KIF17: variants seen among roughly 807,000 people sequenced by gnomAD.
The protein encoded by KIF17 is kinesin-like protein KIF17.
Under a neutral mutation model 96.8 loss-of-function variants are expected in KIF17, and 80 were observed. The ratio of observed to expected loss-of-function variants is 0.83; its 90% CI spans 0.69 to 1.00. The LOEUF (loss-of-function observed/expected upper bound fraction) is 1.00. Among genes scored for constraint, KIF17 ranks in the 50% least tolerant of loss-of-function variants. KIF17 has a pLI of 0.00. For missense variants in KIF17, 1,280 were observed against 1,372.9 expected (o/e 0.93, Z 1.07); for synonymous variants, 567 against 587.5 (o/e 0.97, Z 0.51).
At chr1:20,707,838 T>TA (rs1022285557) in intron 4 of KIF17, among the ~76,000 whole-genome samples, 1 of 138,760 alleles carries the variant, frequency 7.2e-6, no homozygotes, top group Non-Finnish European at 1.6e-5. Flanking sequence ...TGTGTGTGTA[T>TA]AAAAAATATA....
intron 6 of KIF17, 143 bp downstream of exon 6, chr1:20,698,236 C>T: frequency 2.9e-6 from 2 of 690,924 alleles, no homozygotes; most frequent in Non-Finnish European, 5.3e-6. Context: ...GTCCTGGCAT[C>T]TCTTTGAGCT....
chr1:20,681,053 G>C (rs1307568219), intron 11 of KIF17, among the ~76,000 whole-genome samples: 2 of 150,346 alleles, frequency 1.3e-5, no homozygotes, highest in Non-Finnish European at 3.0e-5. Context: ...ATGAACCCAG[G>C]AGGCGGAGCT....
Position 20,666,319 on chromosome 1 carries a change from A to G in KIF17, c.2803T>C (p.Tyr935His). Residue 935 changes from tyrosine to histidine, a missense_variant, in exon 14 of 15, where the codon TAC (tyrosine) becomes CAC (histidine). By Grantham distance (83) the Tyr-to-His change is moderately conservative (BLOSUM62 2). Transcript: ENST00000400463. ...TTGCTCCGACTGAGCATGAGCCTGTAGCGGTCGTCCTCCTGCCGAGATGCA... is the reference window on the plus strand; with the variant it reads ...TTGCTCCGACTGAGCATGAGCCTGTGGCGGTCGTCCTCCTGCCGAGATGCA... ...NGEPNMEDDR[Y>H]RLMLSRSNSE... 4.3e-6 allele frequency: 7 copies of G among 1,613,812 alleles called. No homozygotes were observed. The highest frequency in any genetic ancestry group is 4.2e-6 in the Non-Finnish European group (5 of 1,179,668).
At chr1:20,714,445 G>A (rs201711726) in intron 2 of KIF17, among the ~76,000 whole-genome samples, 39 of 149,228 alleles carry the variant, frequency 2.6e-4, no homozygotes, top group Admixed American at 1.8e-3. Context: ...AGCCAAGATC[G>A]CGCCATTGCA....
At chr1:20,681,109 G>A (rs931447747) in intron 11 of KIF17, among the ~76,000 whole-genome samples, 1 of 146,626 alleles carries the variant, frequency 6.8e-6, no homozygotes, top group Non-Finnish European at 1.5e-5. Context: ...CTGGGTGACA[G>A]AGCAAGACTC....
intron 3 of KIF17, among the ~76,000 whole-genome samples, chr1:20,712,582 CTA>C (rs1239565052): frequency 1.4e-4 from 5 of 35,320 alleles, no homozygotes; most frequent in African/African-American, 3.4e-4. Context: ...ATAATATTAT[CTA>C]TATATATATC....
At chr1:20,706,768 G>A (rs908026883) in intron 4 of KIF17, among the ~76,000 whole-genome samples, 1 of 151,674 alleles carries the variant, frequency 6.6e-6, no homozygotes, top group African/African-American at 2.4e-5. Context: ...GCATGCCTGT[G>A]GTCTCAGCTA....
chr1:20,712,534 T>A (rs1228261397), intron 3 of KIF17, among the ~76,000 whole-genome samples: 5 of 128,736 alleles, frequency 3.9e-5, no homozygotes, highest in Non-Finnish European at 3.3e-5. Flanking sequence ...GTCATATATA[T>A]ATCTATATTA....
intron 11 of KIF17, among the ~76,000 whole-genome samples, chr1:20,673,375 TC>T: frequency 8.2e-6 from 1 of 121,420 alleles, no homozygotes; most frequent in African/African-American, 2.8e-5. Flanking sequence ...ATGTTCCATT[TC>T]TTTTGTTTGT....
At chr1:20,681,962 G>A in intron 11 of KIF17, among the ~76,000 whole-genome samples, 1 of 152,184 alleles carries the variant, frequency 6.6e-6, no homozygotes, top group East Asian at 1.9e-4. Flanking sequence ...TTGTGCGTTT[G>A]TAATTTGTGC....
intron 11 of KIF17, among the ~76,000 whole-genome samples, chr1:20,681,546 G>A (rs1167669606): frequency 1.3e-5 from 2 of 152,036 alleles, no homozygotes; most frequent in Non-Finnish European, 2.9e-5. Flanking sequence ...GGACGGTGGT[G>A]GGGGCGAGGG....
At position 20,704,381 on chromosome 1, in the gene KIF17, G is replaced by A; in HGVS notation, c.1123+66C>T. The A allele has an allele frequency of 1.5e-6, 2 of 1,337,342 alleles. No individual in the cohort carries two copies. Among genetic ancestry groups the A allele is most frequent in the Non-Finnish European group, 2.1e-6 (2 of 951,040 alleles). 82.8% of individuals were successfully genotyped at this position (1,337,342 alleles called of 1,614,324 possible). ...TTAGGTGGGAAGTTGGAGGCGAGAA[G>A]ACAGAGGGAAGGAAGCTTTCTCCTG... is the stretch of plus-strand genomic sequence containing the variant. On this transcript the variant is annotated intron_variant, in intron 5 of 14. Transcript: ENST00000400463. This position sits in a 1 kb window ranked among gnomAD's most constrained non-coding sequence, Gnocchi z 6.8.
chr1:20,692,428 C>A (rs969820674), intron 6 of KIF17, among the ~76,000 whole-genome samples: 1 of 152,116 alleles, frequency 6.6e-6, no homozygotes, highest in Non-Finnish European at 1.5e-5. Context: ...GCAACCTCCA[C>A]TTCCCAGGTT....
At chr1:20,716,436 G>A (rs929011950) in intron 1 of KIF17, among the ~76,000 whole-genome samples, 1 of 152,216 alleles carries the variant, frequency 6.6e-6, no homozygotes, top group Non-Finnish European at 1.5e-5. Context: ...CTATGGGGCG[G>A]GGCACACAGC....
At chr1:20,677,852 TC>T (rs1171469624) in intron 11 of KIF17, among the ~76,000 whole-genome samples, 5 of 152,192 alleles carry the variant, frequency 3.3e-5, no homozygotes, top group Non-Finnish European at 5.9e-5. Flanking sequence ...CGAGACTCCG[TC>T]TCAAAAACAG....
At chr1:20,697,789 C>T (rs563866595) in intron 6 of KIF17, among the ~76,000 whole-genome samples, 3 of 152,350 alleles carry the variant, frequency 2.0e-5, no homozygotes, top group East Asian at 3.9e-4. Flanking sequence ...GTGGAAGTCC[C>T]GCTCTGGGGA....
At position 20,700,455 on chromosome 1, in the gene KIF17, G is replaced by A. The variant is rs1244520443; in HGVS notation, c.1124-1967C>T. ...TTTGAGAGAACGTGAGAAGCCAGGGGCGACCCCAAGTGTCTGGTTTGAACA... is the reference window on the plus strand; with the variant it reads ...TTTGAGAGAACGTGAGAAGCCAGGGACGACCCCAAGTGTCTGGTTTGAACA... On this transcript the variant is annotated intron_variant, in intron 5 of 14. Transcript: ENST00000400463. The surrounding 1 kb of genome is among the most constrained non-coding windows in gnomAD (Gnocchi z 4.6). 6.6e-6 allele frequency among the ~76,000 whole-genome samples: 1 copy of A among 152,176 alleles called. No individual in the cohort carries two copies. The highest frequency in any genetic ancestry group is 2.4e-5 in the African/African-American group (1 of 41,450).
intron 3 of KIF17, among the ~76,000 whole-genome samples, chr1:20,710,430 A>G (rs1302728650): frequency 6.6e-6 from 1 of 152,216 alleles, no homozygotes; most frequent in African/African-American, 2.4e-5. Flanking sequence ...CACAGCCCAG[A>G]GGCCCCCAGC....
chr1:20,706,407 A>G (rs1446020094), intron 4 of KIF17, among the ~76,000 whole-genome samples: 1 of 151,818 alleles, frequency 6.6e-6, no homozygotes, highest in African/African-American at 2.4e-5. Flanking sequence ...CCTGGCCAAC[A>G]TGGTGAAACC....
Sources: gnomAD v4.1 joint callset for allele counts (sites outside exome capture counted in the v4.1 genomes callset) on GRCh38, gnomAD v4.1.1 for gene constraint, Gnocchi (gnomAD v3.1) non-coding constraint, MANE v1.5 for transcripts, NCBI Gene and HGNC (gene_info 2026-07-23, HGNC 2026-07-21) for gene names.